Variants in EEF2K observed in about 807,000 individuals in gnomAD.
EEF2K encodes the protein eukaryotic elongation factor 2 kinase.
In EEF2K, 70 loss-of-function variants were observed where a neutral mutation model predicts 93.8. The ratio of observed to expected loss-of-function variants is 0.75; its 90% CI spans 0.62 to 0.91. The LOEUF (loss-of-function observed/expected upper bound fraction) is 0.91, where lower values mean the gene tolerates loss of function less well. Ranked by LOEUF, EEF2K falls within the 40% of genes least tolerant of loss-of-function variation. The probability of loss-of-function intolerance (pLI) is 0.00; values close to 1 mark genes in which losing one functional copy is unlikely to be tolerated. For synonymous variants in EEF2K, 376 were observed against 380.8 expected, an observed-to-expected ratio of 0.99 and a Z score of 0.15; for missense variants, 935 against 972.9, an observed-to-expected ratio of 0.96 and a Z score of 0.52.
chr16:22,207,738 C>A (rs1598155397), intron 1 of EEF2K, among the ~76,000 whole-genome samples: 1 of 152,052 alleles, frequency 6.6e-6, no homozygotes, highest in Admixed American at 6.6e-5. Context: ...GATCCCCAGG[C>A]CCACAGAAGC....
At chr16:22,224,791 A>G (rs914548685) in intron 1 of EEF2K, among the ~76,000 whole-genome samples, 5 of 152,134 alleles carry the variant, frequency 3.3e-5, no homozygotes, top group African/African-American at 1.2e-4. Context: ...CATCTCTACT[A>G]AAAATGCAAA....
intron 13 of EEF2K, among the ~76,000 whole-genome samples, chr16:22,266,171 G>A (rs959100717): frequency 1.3e-5 from 2 of 151,692 alleles, no homozygotes; most frequent in Admixed American, 6.6e-5. Context: ...GCAGTGAGCC[G>A]AGATTGTGCC....
intron 1 of EEF2K, among the ~76,000 whole-genome samples, chr16:22,222,145 C>T (rs1007110135): frequency 1.5e-4 from 23 of 152,098 alleles, no homozygotes; most frequent in African/African-American, 5.6e-4. Context: ...TGTACAGTTC[C>T]TGTGGATTTT....
chr16:22,231,539 A>G (rs909507313), intron 2 of EEF2K, among the ~76,000 whole-genome samples: 7 of 152,174 alleles, frequency 4.6e-5, no homozygotes, highest in African/African-American at 1.4e-4. Context: ...AGGTACCATT[A>G]AAGGGGGGCT....
At position 22,266,439 on chromosome 16, in the gene EEF2K, C is replaced by T. The variant is rs1196405991; in HGVS notation, c.1490C>T (p.Pro497Leu). The change falls in exon 14 of 18, where the codon CCG becomes CTG. Residue 497 changes from proline (P) to leucine (L), a missense_variant. Physicochemically the swap from Pro to Leu is moderately conservative, Grantham distance 98. Coordinates refer to ENST00000263026, the MANE Select transcript of EEF2K (RefSeq NM_013302.5). ...CTCAACTCCTCCCGCCTCCACCTGC[C>T]GAGGGCTTCGGCCGTGGCCCTGGAA... The part of the protein sequence containing the change: ...NLLNSSRLHL[P>L]RASAVALEVQ... The T allele has an allele frequency of 6.2e-6, 10 of 1,614,074 alleles. No homozygotes were observed. Among genetic ancestry groups the T allele is most frequent in the Admixed American group, 3.3e-5 (2 of 59,996 alleles).
intron 15 of EEF2K, among the ~76,000 whole-genome samples, chr16:22,273,379 T>A (rs9888860): frequency 6.6e-6 from 1 of 152,038 alleles, no homozygotes; most frequent in African/African-American, 2.4e-5. Flanking sequence ...AACTGACATG[T>A]TGCACAGGTG....
intron 17 of EEF2K, among the ~76,000 whole-genome samples, chr16:22,282,736 G>A (rs1044266249): frequency 6.6e-6 from 1 of 152,180 alleles, no homozygotes; most frequent in Non-Finnish European, 1.5e-5. Context: ...CTAGAACTGT[G>A]AGCCAAATAA....
rs1427101131 is a variant in EEF2K at position 22,285,390 on chromosome 16, G to C, written c.*1394G>C. The C allele has an allele frequency of 6.6e-6, 1 of 152,180 alleles. No homozygotes were observed. The highest frequency in any genetic ancestry group is 1.9e-4 in the East Asian group (1 of 5,206). 9.4% of individuals were successfully genotyped at this position (152,180 alleles called of 1,614,324 possible). A position where few individuals can be genotyped will look rare whatever the true frequency, so the allele number is the denominator to read the frequency against. On this transcript the variant is annotated 3_prime_UTR_variant, in exon 18 of 18. Coordinates refer to ENST00000263026, the MANE Select transcript of EEF2K (RefSeq NM_013302.5). ...TTTTATCTAAGATGTTTGAGGATGA[G>C]AGGGCAAGAACTATAAACACTCATT...
chr16:22,244,344 A>G (rs2141665011), intron 2 of EEF2K, among the ~76,000 whole-genome samples: 1 of 151,048 alleles, frequency 6.6e-6, no homozygotes, highest in South Asian at 2.1e-4. Flanking sequence ...ATGAAATGTT[A>G]GCCAACCTGA....
intron 1 of EEF2K, among the ~76,000 whole-genome samples, chr16:22,211,873 C>T (rs2873051): frequency 0.28 from 42,745 of 151,890 alleles, 7,225 homozygotes; most frequent in East Asian, 0.59. Context: ...TGGTGTGTGC[C>T]AGGCATTGTG....
At chr16:22,211,000 A>G (rs931195353) in intron 1 of EEF2K, among the ~76,000 whole-genome samples, 1 of 152,182 alleles carries the variant, frequency 6.6e-6, no homozygotes, top group African/African-American at 2.4e-5. Flanking sequence ...CAGAAATGGT[A>G]CAAGTTATTT....
chr16:22,272,935 C>G (rs888213806), intron 15 of EEF2K, among the ~76,000 whole-genome samples: 9 of 152,196 alleles, frequency 5.9e-5, no homozygotes, highest in Non-Finnish European at 8.8e-5. Flanking sequence ...CTTGACCTCC[C>G]AGAGTGCTGG....
intron 1 of EEF2K, among the ~76,000 whole-genome samples, chr16:22,217,017 T>A (rs566029289): frequency 1.3e-5 from 2 of 151,444 alleles, no homozygotes; most frequent in African/African-American, 4.8e-5. Flanking sequence ...AAAAATTAGC[T>A]GGGTATGGTG....
chr16:22,229,993 G>T (rs1162960784), intron 2 of EEF2K, among the ~76,000 whole-genome samples: 1 of 152,136 alleles, frequency 6.6e-6, no homozygotes, highest in African/African-American at 2.4e-5. Context: ...TTACTCTGGG[G>T]CAGGCAGCTC....
chr16:22,239,091 T>TTAA (rs2047196375), intron 2 of EEF2K, among the ~76,000 whole-genome samples: 1 of 147,138 alleles, frequency 6.8e-6, no homozygotes, highest in South Asian at 2.1e-4. Flanking sequence ...CTGTGCTTAT[T>TTAA]AAAAAAAAAA....
At chr16:22,244,471 T>C (rs562962410) in intron 2 of EEF2K, among the ~76,000 whole-genome samples, 159 bp from the exon 3 acceptor site, 1 of 152,188 alleles carries the variant, frequency 6.6e-6, no homozygotes, top group South Asian at 2.1e-4. Flanking sequence ...TAGGTTCTTT[T>C]GGGGACTGTG....
At chr16:22,225,031 G>T (rs1347330708) in intron 1 of EEF2K, among the ~76,000 whole-genome samples, 1 of 152,122 alleles carries the variant, frequency 6.6e-6, no homozygotes, top group East Asian at 1.9e-4. Flanking sequence ...TGCATGTTGG[G>T]TTAAGGGTTC....
At chr16:22,258,940 C>A in intron 10 of EEF2K, 1 of 430,274 alleles carries the variant, frequency 2.3e-6, no homozygotes, top group East Asian at 4.0e-5. Flanking sequence ...ACCAGCAAAA[C>A]CTATATAATA....
At chr16:22,252,408 T>G (rs565400430) in intron 6 of EEF2K, among the ~76,000 whole-genome samples, 1 of 152,308 alleles carries the variant, frequency 6.6e-6, no homozygotes, top group South Asian at 2.1e-4. Flanking sequence ...GCCCAAGTTC[T>G]TGTTGGAATG....
Sources: allele counts gnomAD v4.1 joint callset (sites outside exome capture counted in the v4.1 genomes callset), GRCh38; gene constraint gnomAD v4.1.1; transcripts MANE v1.5; gene names NCBI Gene and HGNC (gene_info 2026-07-23, HGNC 2026-07-21).